The following GAP43 variants were observed in gnomAD, a reference collection of about 807,000 sequenced individuals.
GAP43 encodes neuromodulin.
In GAP43, 6 loss-of-function variants were observed where a neutral mutation model predicts 18.6. The ratio of observed to expected loss-of-function variants is 0.32; its 90% confidence interval spans 0.18 to 0.64. The LOEUF is 0.64. Among genes scored for constraint, GAP43 ranks in the 30% least tolerant of loss-of-function variants. The probability of loss-of-function intolerance (pLI) is 0.78; values close to 1 mark genes in which losing one functional copy is unlikely to be tolerated. For missense variants in GAP43, 292 were observed against 295.5 expected, an observed-to-expected ratio of 0.99 and a Z score of 0.09; for synonymous variants, 115 against 111.4, an observed-to-expected ratio of 1.03 and a Z score of -0.20.
intron 1 of GAP43, among the ~76,000 whole-genome samples, chr3:115,660,648 A>T (rs991549285): frequency 6.6e-6 from 1 of 152,218 alleles, no homozygotes; most frequent in South Asian, 2.1e-4. Flanking sequence ...AGAACTGTAG[A>T]TTTCTCAGAA....
intron 2 of GAP43, among the ~76,000 whole-genome samples, chr3:115,718,185 TTCTA>T (rs1236468415): frequency 1.3e-5 from 2 of 152,190 alleles, no homozygotes; most frequent in Non-Finnish European, 2.9e-5. Context: ...ACTACTATCT[TTCTA>T]TATGTTTCTG....
intron 2 of GAP43, among the ~76,000 whole-genome samples, chr3:115,682,840 C>T (rs1245482733): frequency 6.6e-6 from 1 of 152,132 alleles, no homozygotes; most frequent in African/African-American, 2.4e-5. Flanking sequence ...CTTTTATTAA[C>T]TCTTTAGTTA....
At chr3:115,632,881 T>C (rs1708277076) in intron 1 of GAP43, among the ~76,000 whole-genome samples, 1 of 152,166 alleles carries the variant, frequency 6.6e-6, no homozygotes, top group Non-Finnish European at 1.5e-5. Flanking sequence ...CTTTAAACTT[T>C]CACTCTAGCT....
chr3:115,655,409 T>TCCCTAAA (rs2107477539), intron 1 of GAP43, among the ~76,000 whole-genome samples: 1 of 152,354 alleles, frequency 6.6e-6, no homozygotes, highest in South Asian at 2.1e-4. Context: ...GACTATATGG[T>TCCCTAAA]AATCAGTATT....
intron 1 of GAP43, among the ~76,000 whole-genome samples, chr3:115,636,326 T>C: frequency 6.6e-6 from 1 of 152,090 alleles, no homozygotes; most frequent in Admixed American, 6.6e-5. Flanking sequence ...CCTTCTGTTA[T>C]AAAAGTCATA....
intron 2 of GAP43, among the ~76,000 whole-genome samples, chr3:115,718,462 G>C (rs1264631166): frequency 1.3e-5 from 2 of 152,074 alleles, no homozygotes; most frequent in African/African-American, 4.8e-5. Flanking sequence ...TAATTCCTGA[G>C]GAATACTGCT....
intron 2 of GAP43, among the ~76,000 whole-genome samples, chr3:115,689,511 G>A (rs1303875431): frequency 6.6e-6 from 1 of 152,166 alleles, no homozygotes; most frequent in African/African-American, 2.4e-5. Flanking sequence ...AGTTTTTCAG[G>A]CAAGTGTCCA....
chr3:115,625,889 TAG>T (rs1708181625), intron 1 of GAP43, among the ~76,000 whole-genome samples: 2 of 152,240 alleles, frequency 1.3e-5, no homozygotes, highest in African/African-American at 4.8e-5. Context: ...CTCTGTGTTT[TAG>T]CATCATTTAT....
chr3:115,665,254 C>T (rs181849685), intron 1 of GAP43, among the ~76,000 whole-genome samples: 1 of 152,166 alleles, frequency 6.6e-6, no homozygotes, highest in South Asian at 2.1e-4. Flanking sequence ...GGAGCCACCC[C>T]CTTCAGAATA....
chr3:115,647,947 G>A, intron 1 of GAP43, among the ~76,000 whole-genome samples: 1 of 152,054 alleles, frequency 6.6e-6, no homozygotes, highest in Admixed American at 6.6e-5. Flanking sequence ...TAAAACCATG[G>A]ACTAGAGTGT....
Position 115,687,938 on chromosome 3 carries a change from C to G in GAP43, c.628+11328C>G, listed in dbSNP as rs189887070. Among the ~76,000 whole-genome samples the G allele has an allele frequency of 2.0e-5, 3 of 152,064 alleles. No homozygotes were observed. In the East Asian group the frequency reaches 5.8e-4, roughly 29 times the overall value. On this transcript the variant is annotated intron_variant, in intron 2 of 2. Transcript: ENST00000305124. ...ATACTGCTCAAATTCTAAAATTTGA[C>G]TTGTAGTATAAACCATAAAAAAATG...
intron 1 of GAP43, among the ~76,000 whole-genome samples, chr3:115,633,241 GGA>G (rs1692648285): frequency 6.6e-6 from 1 of 151,868 alleles, no homozygotes; most frequent in African/African-American, 2.4e-5. Context: ...AGGGACAGAG[GGA>G]GAGAGACAGA....
intron 1 of GAP43, among the ~76,000 whole-genome samples, chr3:115,672,022 C>G (rs1029505506): frequency 6.6e-6 from 1 of 152,204 alleles, no homozygotes; most frequent in Admixed American, 6.5e-5. Context: ...TTAACATAGG[C>G]ACTGAGTATT....
chr3:115,698,204 AT>A (rs1709239790), intron 2 of GAP43, among the ~76,000 whole-genome samples: 1 of 9,418 alleles, frequency 1.1e-4, no homozygotes, highest in African/African-American at 3.3e-4. Flanking sequence ...TATATTATAT[AT>A]TATATAAAAT....
Position 115,627,042 on chromosome 3 carries a change from CT to C in GAP43, c.30+3337del, listed in dbSNP as rs36058685. 8.5e-3 allele frequency among the ~76,000 whole-genome samples: 1,090 copies of C among 128,936 alleles called. 6 individuals carry two copies. Among genetic ancestry groups the C allele is most frequent in the African/African-American group, 0.018 (623 of 34,936 alleles). The allele number at this position is 128,936 out of a possible 152,430, so 84.6% of individuals were successfully genotyped here. ...CTTAATATAATTGAAGCTTCTCGTT[CT>C]TTTTTTTTTTTTTAATAGTGATTTT... On this transcript the variant is annotated intron_variant, in intron 1 of 2. Transcript: ENST00000305124.
intron 2 of GAP43, among the ~76,000 whole-genome samples, chr3:115,686,144 C>T (rs283371): frequency 0.89 from 134,751 of 152,258 alleles, 59,807 homozygotes; most frequent in Admixed American, 0.93. Context: ...CAGCAGCCAA[C>T]GTTAGTCAGC....
intron 2 of GAP43, among the ~76,000 whole-genome samples, chr3:115,694,523 G>A (rs987808240): frequency 3.3e-5 from 5 of 152,128 alleles, no homozygotes; most frequent in Admixed American, 3.3e-4. Flanking sequence ...CTTATCTTGT[G>A]CCAGGCTTTC....
At chr3:115,720,768 C>G in intron 2 of GAP43, 26 bp from the exon 3 acceptor site, 4 of 1,530,254 alleles carry the variant, frequency 2.6e-6, no homozygotes, top group Non-Finnish European at 3.6e-6. Flanking sequence ...CCTTTTCCCC[C>G]CATCCTATCT....
At chr3:115,716,538 T>C (rs1709503939) in intron 2 of GAP43, among the ~76,000 whole-genome samples, 1 of 151,470 alleles carries the variant, frequency 6.6e-6, no homozygotes, top group Non-Finnish European at 1.5e-5. Flanking sequence ...CATTGTTTCC[T>C]CCATCCATAT....
Sources: gnomAD v4.1 joint callset for allele counts (sites outside exome capture counted in the v4.1 genomes callset) on GRCh38, gnomAD v4.1.1 for gene constraint, MANE v1.5 for transcripts, NCBI Gene and HGNC (gene_info 2026-07-23, HGNC 2026-07-21) for gene names.